Variants in SEMA4D observed in about 807,000 individuals in gnomAD.
The protein encoded by SEMA4D is semaphorin-4D.
SEMA4D carries 22 observed loss-of-function variants against 74.8 expected under a neutral mutation model. The ratio of observed to expected loss-of-function variants is 0.29; its 90% CI spans 0.21 to 0.42. The LOEUF (loss-of-function observed/expected upper bound fraction) is 0.42, where lower values mean the gene tolerates loss of function less well. Among genes scored for constraint, SEMA4D ranks in the 10% least tolerant of loss-of-function variants. SEMA4D has a pLI of 1.00. For missense variants in SEMA4D, 937 were observed against 1,118.4 expected, an observed-to-expected ratio of 0.84 and a Z score of 2.31; for synonymous variants, 445 against 463.7, an observed-to-expected ratio of 0.96 and a Z score of 0.52.
intron 1 of SEMA4D, among the ~76,000 whole-genome samples, chr9:89,464,406 GGCAACACATTACAAGTCCAGCAGCAGGGC>G (rs562418419): frequency 3.9e-4 from 59 of 152,222 alleles, no homozygotes; most frequent in African/African-American, 1.3e-3. Flanking sequence ...GGGGGTGGGG[GGCAACACATTACAAGTCCAGCAGCAGGGC>G]GCAGCCAGGC....
At chr9:89,436,186 C>T (rs1476524624) in intron 2 of SEMA4D, 1 of 152,258 alleles carries the variant, frequency 6.6e-6, no homozygotes, top group Non-Finnish European at 1.5e-5. Flanking sequence ...CATTTGGTCC[C>T]CTCACATTAG....
At chr9:89,403,130 G>T in intron 3 of SEMA4D, 114 bp from the exon 4 acceptor site, 3 of 1,268,398 alleles carry the variant, frequency 2.4e-6, no homozygotes, top group Non-Finnish European at 3.3e-6. Flanking sequence ...ACGTCTGGGT[G>T]CAGTCATGTC....
chr9:89,405,766 T>C (rs1220106968), intron 2 of SEMA4D, 67 bp from the exon 3 acceptor site: 4 of 1,328,046 alleles, frequency 3.0e-6, no homozygotes, highest in South Asian at 2.3e-5. Flanking sequence ...CACTGCTCTG[T>C]AGCCCCTCTG....
intron 2 of SEMA4D, among the ~76,000 whole-genome samples, chr9:89,420,563 T>C (rs527401242): frequency 2.6e-4 from 39 of 152,348 alleles, no homozygotes; most frequent in Admixed American, 1.8e-3. Context: ...AGGTATTTAG[T>C]GGTCGCTGAT....
At chr9:89,458,673 CTACA>C (rs2135609350) in intron 1 of SEMA4D, among the ~76,000 whole-genome samples, 1 of 149,920 alleles carries the variant, frequency 6.7e-6, no homozygotes, top group African/African-American at 2.4e-5. Flanking sequence ...ACACACAAAC[CTACA>C]GAGACACACA....
intron 1 of SEMA4D, among the ~76,000 whole-genome samples, chr9:89,466,555 C>T (rs143446643): frequency 1.2e-4 from 18 of 152,290 alleles, no homozygotes; most frequent in South Asian, 4.1e-4. Context: ...CTAGACCATA[C>T]GCAGTGCATC....
intron 2 of SEMA4D, among the ~76,000 whole-genome samples, chr9:89,444,268 T>C (rs1254037419): frequency 1.3e-5 from 2 of 152,146 alleles, no homozygotes; most frequent in African/African-American, 4.8e-5. Context: ...AGCTACAGTG[T>C]ACCCACCCTT....
Position 89,377,818 on chromosome 9 carries a change from T to A in SEMA4D, c.*886A>T, listed in dbSNP as rs1459668671. The A allele has an allele frequency of 6.6e-6, 1 of 152,064 alleles. No individual in the cohort carries two copies. The highest frequency in any genetic ancestry group is 1.5e-5 in the Non-Finnish European group (1 of 68,012). The allele number at this position is 152,064 out of a possible 1,614,324, so 9.4% of individuals were successfully genotyped here. A position where few individuals can be genotyped will look rare whatever the true frequency, so the allele number is the denominator to read the frequency against. On this transcript the variant is annotated 3_prime_UTR_variant, in exon 16 of 16. Transcript: ENST00000422704. ...GGCCAGCCTGGCTCCACTCAGCTCA[T>A]CCAGGCTACCTTCCCTTGCTCAAAA...
rs562292014 is a variant in SEMA4D, at chr9:89,427,290, A to T, written c.-243-21591T>A. 5.9e-5 allele frequency among the ~76,000 whole-genome samples: 9 copies of T among 152,322 alleles called. No individual in the cohort carries two copies. The South Asian group carries it at 8.3e-4, about 14-fold the overall frequency. Reference sequence around the variant, plus strand: ...AGAGGGGGGCAGCCTAAAATGATACAGTCAGTCACTCAGGTCCATCCAACC... The same window carrying T: ...AGAGGGGGGCAGCCTAAAATGATACTGTCAGTCACTCAGGTCCATCCAACC... On this transcript the variant is annotated intron_variant, in intron 2 of 15. Transcript: ENST00000422704.
rs781180445 is a variant in SEMA4D at position 89,484,457 on chromosome 9, T to G, written c.-310+13462A>C. The stretch of plus-strand genomic sequence containing the variant: ...GTGTACAGTGTGTGTTGTGTGTGTT[T>G]TGTGTGTGTGTGTGGCATGGTATGT... On this transcript the variant is annotated intron_variant, in intron 1 of 15. Transcript: ENST00000422704. The surrounding 1 kb of genome is among the most constrained non-coding windows in gnomAD (Gnocchi z 4.1). Among the ~76,000 whole-genome samples, 3 of 146,342 alleles carry G rather than the reference T, an allele frequency of 2.0e-5. No individual in the cohort carries two copies. Among genetic ancestry groups the G allele is most frequent in the East Asian group, 2.1e-4 (1 of 4,834 alleles).
intron 1 of SEMA4D, among the ~76,000 whole-genome samples, chr9:89,459,160 C>T (rs1276992148): frequency 6.6e-6 from 1 of 152,210 alleles, no homozygotes; most frequent in Non-Finnish European, 1.5e-5. Flanking sequence ...GTCAGTGGTT[C>T]TCATACTGCG....
Position 89,413,426 on chromosome 9 carries a change from G to GTA in SEMA4D, c.-243-7729_-243-7728dup, listed in dbSNP as rs112438749. On this transcript the variant is annotated intron_variant, in intron 2 of 15. Coordinates refer to ENST00000422704, the MANE Select transcript of SEMA4D (RefSeq NM_001371194.2). ...ACTGTGCATACATGTCTGCGTGTAT[G>GTA]TATATATATATGTGGACACATGTAC... Among the ~76,000 whole-genome samples the GTA allele has an allele frequency of 3.3e-3, 497 of 152,266 alleles. 4 individuals are homozygous for GTA. The highest frequency in any genetic ancestry group is 0.011 in the African/African-American group (442 of 41,524).
chr9:89,363,921 T>C, exon 17 of SEMA4D: 2 of 1,614,046 alleles, frequency 1.2e-6, no homozygotes, highest in Admixed American at 1.7e-5. Flanking sequence ...CGCCCATTCT[T>C]CTCCCAGACA....
At chr9:89,472,921 C>T (rs1239613300) in intron 1 of SEMA4D, among the ~76,000 whole-genome samples, 1 of 151,802 alleles carries the variant, frequency 6.6e-6, no homozygotes, top group Non-Finnish European at 1.5e-5. Flanking sequence ...TAGTGAGACC[C>T]CATCTCTATA....
chr9:89,404,581 TG>T (rs1842869322), intron 3 of SEMA4D, among the ~76,000 whole-genome samples: 1 of 133,636 alleles, frequency 7.5e-6, no homozygotes, highest in Non-Finnish European at 1.8e-5. Flanking sequence ...TCCCAGGAAG[TG>T]GAGTCCCCAT....
chr9:89,400,146 T>C (rs1408319812), intron 4 of SEMA4D, among the ~76,000 whole-genome samples: 1 of 151,046 alleles, frequency 6.6e-6, no homozygotes, highest in African/African-American at 2.4e-5. Flanking sequence ...AGTGATGAAC[T>C]AACACCACCA....
intron 2 of SEMA4D, among the ~76,000 whole-genome samples, chr9:89,448,695 G>A (rs1043312685): frequency 3.3e-5 from 5 of 152,184 alleles, no homozygotes; most frequent in Admixed American, 1.3e-4. Context: ...CTTGTTTCAC[G>A]GGCTTCACTG....
chr9:89,469,385 C>T (rs1407972103), intron 1 of SEMA4D, among the ~76,000 whole-genome samples: 2 of 152,212 alleles, frequency 1.3e-5, no homozygotes, highest in African/African-American at 2.4e-5. Context: ...CATACACTCT[C>T]TTCCAGAAAA....
At chr9:89,409,503 G>A (rs1051084985) in intron 2 of SEMA4D, among the ~76,000 whole-genome samples, 26 of 152,306 alleles carry the variant, frequency 1.7e-4, no homozygotes, top group African/African-American at 6.3e-4. Flanking sequence ...CATGTGTGGG[G>A]AAGGAGCATA....
Sources: gnomAD v4.1 joint callset for allele counts (sites outside exome capture counted in the v4.1 genomes callset) on GRCh38, gnomAD v4.1.1 for gene constraint, Gnocchi (gnomAD v3.1) non-coding constraint, MANE v1.5 for transcripts, NCBI Gene and HGNC (gene_info 2026-07-23, HGNC 2026-07-21) for gene names.